TRPC4: variants seen among roughly 807,000 people sequenced by gnomAD.
TRPC4 encodes transient receptor potential cation channel subfamily C member 4, also known as short transient receptor potential channel 4.
A neutral mutation model predicts 99.4 loss-of-function variants in TRPC4; 49 were observed. The ratio of observed to expected loss-of-function variants is 0.49; its 90% CI spans 0.39 to 0.63. The LOEUF is 0.63. TRPC4 is among the 20% of genes least tolerant of loss of function. The pLI is 0.00. For missense variants in TRPC4, 898 were observed against 1,152.9 expected (o/e 0.78, Z 3.20); for synonymous variants, 454 against 425.9 (o/e 1.07, Z -0.81).
At chr13:37,815,179 A>G (rs1957814560) in intron 1 of TRPC4, among the ~76,000 whole-genome samples, 1 of 151,878 alleles carries the variant, frequency 6.6e-6, no homozygotes, top group Non-Finnish European at 1.5e-5. Context: ...ATTCAATTCA[A>G]AAAGGATCAA....
chr13:37,710,262 A>G (rs753373679), intron 3 of TRPC4, among the ~76,000 whole-genome samples: 2 of 152,054 alleles, frequency 1.3e-5, no homozygotes, highest in Admixed American at 6.6e-5. Context: ...AGATTAATCA[A>G]TGATCCCCGG....
At chr13:37,689,424 T>C (rs975409037) in intron 4 of TRPC4, among the ~76,000 whole-genome samples, 2 of 152,154 alleles carry the variant, frequency 1.3e-5, no homozygotes, top group Non-Finnish European at 2.9e-5. Context: ...TGGTGAACAA[T>C]ATAATGGTTT....
intron 3 of TRPC4, among the ~76,000 whole-genome samples, chr13:37,707,034 A>G (rs1166520222): frequency 6.6e-6 from 1 of 152,182 alleles, no homozygotes; most frequent in Non-Finnish European, 1.5e-5. Flanking sequence ...AGTTTCTAAA[A>G]AAAGGACAAG....
intron 1 of TRPC4, among the ~76,000 whole-genome samples, chr13:37,788,829 A>G (rs928965222): frequency 1.6e-4 from 25 of 152,128 alleles, no homozygotes; most frequent in Admixed American, 1.6e-3. Context: ...GACTTCTGCT[A>G]TCCAAGATGG....
At chr13:37,775,673 A>G (rs1182595661) in intron 2 of TRPC4, among the ~76,000 whole-genome samples, 1 of 151,684 alleles carries the variant, frequency 6.6e-6, no homozygotes, top group African/African-American at 2.4e-5. Flanking sequence ...AAGAGACTAC[A>G]TGACTCAGTT....
Position 37,741,018 on chromosome 13 carries a change from C to A in TRPC4, c.897+4919G>T, listed in dbSNP as rs555711980. On this transcript the variant is annotated intron_variant, in intron 3 of 10. Transcript: ENST00000379705. ...CTAATGTTGCAAAGCTGCTGAAATA[C>A]CTTCATGAAAGGGAAAGGCAAATTA... is the stretch of plus-strand genomic sequence containing the variant. Among the ~76,000 whole-genome samples the A allele has an allele frequency of 2.0e-5, 3 of 152,240 alleles. No individual in the cohort carries two copies. In the South Asian group the frequency reaches 6.2e-4, roughly 32 times the overall value.
chr13:37,689,722 T>C (rs1184138521), intron 4 of TRPC4, among the ~76,000 whole-genome samples: 1 of 152,200 alleles, frequency 6.6e-6, no homozygotes, highest in East Asian at 1.9e-4. Context: ...TGTTAGAAGC[T>C]TGGTGTGTAG....
intron 1 of TRPC4, among the ~76,000 whole-genome samples, chr13:37,821,710 G>A (rs9576373): frequency 0.29 from 43,764 of 151,870 alleles, 6,477 homozygotes; most frequent in East Asian, 0.43. Flanking sequence ...CAAGCAATGG[G>A]GAAAGGTCTC....
chr13:37,742,673 T>A (rs1281980069), intron 3 of TRPC4, among the ~76,000 whole-genome samples: 1 of 152,064 alleles, frequency 6.6e-6, no homozygotes, highest in Non-Finnish European at 1.5e-5. Flanking sequence ...GAGAAAGCAT[T>A]CCAAATCCTG....
intron 1 of TRPC4, among the ~76,000 whole-genome samples, chr13:37,786,699 T>C (rs1040250745): frequency 1.3e-5 from 2 of 152,046 alleles, no homozygotes; most frequent in African/African-American, 4.8e-5. Context: ...GAATAAACTT[T>C]GGAGGGGAAA....
At chr13:37,793,816 T>C (rs2139399595) in intron 1 of TRPC4, among the ~76,000 whole-genome samples, 1 of 152,258 alleles carries the variant, frequency 6.6e-6, no homozygotes, top group East Asian at 1.9e-4. Context: ...AATATGCGTA[T>C]CACTCTTTTG....
chr13:37,730,685 T>G (rs2139081265), intron 3 of TRPC4, among the ~76,000 whole-genome samples: 1 of 152,094 alleles, frequency 6.6e-6, no homozygotes, highest in East Asian at 1.9e-4. Flanking sequence ...AAACAAGGTC[T>G]CCAAGATATT....
chr13:37,682,037 AG>A (rs201512102), intron 4 of TRPC4, among the ~76,000 whole-genome samples: 5,598 of 152,296 alleles, frequency 0.037, 153 homozygotes, highest in Admixed American at 0.061. Flanking sequence ...GTGATGGGGT[AG>A]GCAATGCTCA....
At chr13:37,784,086 G>T (rs1051279841) in intron 1 of TRPC4, among the ~76,000 whole-genome samples, 4 of 151,964 alleles carry the variant, frequency 2.6e-5, no homozygotes, top group Non-Finnish European at 5.9e-5. Context: ...AATATACTGA[G>T]CCCAATGAAC....
intron 4 of TRPC4, among the ~76,000 whole-genome samples, chr13:37,687,508 G>T (rs947072456): frequency 6.6e-6 from 1 of 152,000 alleles, no homozygotes; most frequent in South Asian, 2.1e-4. Flanking sequence ...ATCTTACTAC[G>T]TATTATCTTC....
chr13:37,781,299 A>C (rs1956832911), intron 2 of TRPC4, among the ~76,000 whole-genome samples: 1 of 152,142 alleles, frequency 6.6e-6, no homozygotes, highest in South Asian at 2.1e-4. Context: ...TTTACATCAC[A>C]GCCAAAACAT....
intron 1 of TRPC4, among the ~76,000 whole-genome samples, chr13:37,825,151 A>T (rs1342828014): frequency 6.6e-6 from 1 of 151,266 alleles, no homozygotes; most frequent in East Asian, 2.0e-4. Context: ...CATCTATTTG[A>T]TTCTTCTCTC....
intron 1 of TRPC4, among the ~76,000 whole-genome samples, chr13:37,799,551 G>T (rs566500061): frequency 1.1e-4 from 17 of 152,192 alleles, no homozygotes; most frequent in African/African-American, 3.9e-4. Flanking sequence ...TTTCTCATAT[G>T]TAAAAAAGGG....
rs530999666 is a variant in TRPC4, at chr13:37,674,382, A to T, written c.1235-15T>A. On this transcript the variant is annotated splice_polypyrimidine_tract_variant and intron_variant, in intron 4 of 10. Coordinates refer to ENST00000379705, the MANE Select transcript of TRPC4 (RefSeq NM_016179.4). ...CCATATGAAGCCTGCAATTATAGAA[A>T]GATTCATTGTAAGTATGATTTCAAT... 6.3e-7 allele frequency: 1 copy of T among 1,595,558 alleles called. No homozygotes were observed. Among genetic ancestry groups the T allele is most frequent in the African/African-American group, 1.3e-5 (1 of 74,178 alleles).
Sources: allele counts gnomAD v4.1 joint callset (sites outside exome capture counted in the v4.1 genomes callset), GRCh38; gene constraint gnomAD v4.1.1; transcripts MANE v1.5; gene names NCBI Gene and HGNC (gene_info 2026-07-23, HGNC 2026-07-21).